Variants in PDE1C observed in about 807,000 individuals in gnomAD.
The protein encoded by PDE1C is phosphodiesterase 1C.
PDE1C carries 62 observed loss-of-function variants against 93.1 expected under a neutral mutation model. The observed-to-expected ratio is 0.67, with a 90% CI of 0.54 to 0.82. PDE1C has a LOEUF of 0.82. PDE1C is among the 40% of genes least tolerant of loss of function. The pLI is 0.00. For synonymous variants in PDE1C, 325 were observed against 310.1 expected, an observed-to-expected ratio of 1.05 and a Z score of -0.50; for missense variants, 742 against 884.6, an observed-to-expected ratio of 0.84 and a Z score of 2.04.
intron 3 of PDE1C, among the ~76,000 whole-genome samples, chr7:32,168,167 C>A (rs576502929): frequency 3.3e-4 from 51 of 152,250 alleles, no homozygotes; most frequent in Admixed American, 7.8e-4. Flanking sequence ...CCTGCATGCA[C>A]CTGCTGTCTT....
intron 1 of PDE1C, among the ~76,000 whole-genome samples, chr7:32,389,025 T>G (rs1353566097): frequency 6.6e-6 from 1 of 152,208 alleles, no homozygotes; most frequent in African/African-American, 2.4e-5. Flanking sequence ...GTATTCAAAC[T>G]GCAAAATGTC....
intron 1 of PDE1C, among the ~76,000 whole-genome samples, chr7:32,347,482 T>C (rs1187782117): frequency 1.9e-5 from 2 of 106,778 alleles, no homozygotes; most frequent in Non-Finnish European, 4.5e-5. Flanking sequence ...TCCCCTTCAG[T>C]GTGAGTAGAA....
intron 3 of PDE1C, among the ~76,000 whole-genome samples, chr7:32,080,771 C>T (rs1405810244): frequency 6.6e-6 from 1 of 152,136 alleles, no homozygotes; most frequent in Non-Finnish European, 1.5e-5. Context: ...TTTTAATACT[C>T]AGGAGAATAA....
intron 2 of PDE1C, among the ~76,000 whole-genome samples, chr7:31,908,414 G>C (rs1260174309): frequency 6.6e-6 from 1 of 152,098 alleles, no homozygotes; most frequent in Non-Finnish European, 1.5e-5. Flanking sequence ...CCACAGTAAG[G>C]GTGCGTGAGT....
intron 1 of PDE1C, among the ~76,000 whole-genome samples, chr7:32,277,261 CA>C (rs1274192279): frequency 6.6e-6 from 1 of 151,962 alleles, no homozygotes; most frequent in Non-Finnish European, 1.5e-5. Context: ...AAAACAAAAA[CA>C]AAAAAATCTG....
At chr7:32,338,141 C>T (rs1353983314) in intron 1 of PDE1C, among the ~76,000 whole-genome samples, 2 of 152,130 alleles carry the variant, frequency 1.3e-5, no homozygotes, top group African/African-American at 4.8e-5. Context: ...ATTTAAAACT[C>T]TTGTGCATCA....
intron 1 of PDE1C, among the ~76,000 whole-genome samples, chr7:32,285,625 C>T (rs1039729191): frequency 6.7e-6 from 1 of 150,364 alleles, no homozygotes; most frequent in Non-Finnish European, 1.5e-5. Flanking sequence ...ATGTAGATTA[C>T]ACCTCAATAA....
intron 2 of PDE1C, among the ~76,000 whole-genome samples, chr7:32,173,392 G>T (rs2128807452): frequency 6.6e-6 from 1 of 152,098 alleles, no homozygotes; most frequent in South Asian, 2.1e-4. Flanking sequence ...GAGCTTACAG[G>T]ACGGGTCAAT....
At chr7:31,658,793 AC>A in the PDE1C span, 1 of 153,672 alleles carries the variant, frequency 6.5e-6, no homozygotes, top group Admixed American at 6.5e-5. Flanking sequence ...TAAAGAAAGA[AC>A]CCTTCACATC....
chr7:32,411,518 C>T (rs548061751), intron 1 of PDE1C, among the ~76,000 whole-genome samples: 16 of 152,256 alleles, frequency 1.1e-4, no homozygotes, highest in East Asian at 9.7e-4. Flanking sequence ...AGATTTTAAA[C>T]GATACACCTG....
At chr7:32,192,451 T>G (rs568898924) in intron 2 of PDE1C, among the ~76,000 whole-genome samples, 153 of 152,304 alleles carry the variant, frequency 1.0e-3, no homozygotes, top group African/African-American at 3.6e-3. Context: ...AAGGTCATAT[T>G]TCCTCCATTG....
intron 2 of PDE1C, among the ~76,000 whole-genome samples, chr7:31,950,702 A>G (rs1291231647): frequency 6.6e-6 from 1 of 152,194 alleles, no homozygotes; most frequent in Non-Finnish European, 1.5e-5. Context: ...TTTTTTTAGT[A>G]GTAAAAAATG....
chr7:32,173,605 T>G (rs1802790252), intron 2 of PDE1C, among the ~76,000 whole-genome samples: 1 of 151,744 alleles, frequency 6.6e-6, no homozygotes, highest in Admixed American at 6.6e-5. Flanking sequence ...TTTTTCTAAT[T>G]CACACAAAGC....
chr7:32,401,914 G>C (rs1457262627), intron 1 of PDE1C, among the ~76,000 whole-genome samples: 1 of 152,148 alleles, frequency 6.6e-6, no homozygotes, highest in Admixed American at 6.5e-5. Flanking sequence ...CAATTTGGTA[G>C]CATGTGACTT....
At chr7:31,673,174 G>A in the PDE1C span, among the ~76,000 whole-genome samples, 3 of 152,196 alleles carry the variant, frequency 2.0e-5, no homozygotes, top group East Asian at 1.9e-4. Context: ...AAGCTTTCAG[G>A]TATGCCCTAA....
At chr7:32,415,961 G>A (rs77671735) in intron 1 of PDE1C, among the ~76,000 whole-genome samples, 4 of 152,204 alleles carry the variant, frequency 2.6e-5, no homozygotes, top group Admixed American at 1.3e-4. Flanking sequence ...AAGGGGAGTG[G>A]CGGTGTGACC....
At chr7:32,375,684 T>C (rs573888695) in intron 1 of PDE1C, among the ~76,000 whole-genome samples, 1 of 152,294 alleles carries the variant, frequency 6.6e-6, no homozygotes, top group African/African-American at 2.4e-5. Flanking sequence ...GAACCAGGGG[T>C]CACACAACTT....
intron 7 of PDE1C, among the ~76,000 whole-genome samples, chr7:31,855,488 T>C (rs1236448989): frequency 6.6e-6 from 1 of 152,104 alleles, no homozygotes; most frequent in Non-Finnish European, 1.5e-5. Flanking sequence ...TAATCCAATG[T>C]AACATATTAA....
chr7:31,816,902 T>G (rs188666965), intron 14 of PDE1C, among the ~76,000 whole-genome samples: 1 of 152,270 alleles, frequency 6.6e-6, no homozygotes, highest in East Asian at 1.9e-4. Context: ...TCCAGTTGAT[T>G]ATAAAAGGGC....
Sources: gnomAD v4.1 joint callset for allele counts (sites outside exome capture counted in the v4.1 genomes callset) on GRCh38, gnomAD v4.1.1 for gene constraint, MANE v1.5 for transcripts, NCBI Gene and HGNC (gene_info 2026-07-23, HGNC 2026-07-21) for gene names.